CDKAL1: variants seen among roughly 807,000 people sequenced by gnomAD.
The protein encoded by CDKAL1 is CDKAL1 threonylcarbamoyladenosine tRNA methylthiotransferase.
In CDKAL1, 32 loss-of-function variants were observed where a neutral mutation model predicts 68.2. The ratio of observed to expected loss-of-function variants is 0.47; its 90% CI spans 0.35 to 0.63. The LOEUF is 0.63. CDKAL1 is among the 30% of genes least tolerant of loss of function. The pLI, the probability that CDKAL1 is intolerant of heterozygous loss-of-function variation, is 0.00. For synonymous variants in CDKAL1, 234 were observed against 244.3 expected, an observed-to-expected ratio of 0.96 and a Z score of 0.39; for missense variants, 606 against 696.7, an observed-to-expected ratio of 0.87 and a Z score of 1.47.
At chr6:20,666,768 T>C (rs766493213) in intron 5 of CDKAL1, among the ~76,000 whole-genome samples, 2 of 151,358 alleles carry the variant, frequency 1.3e-5, no homozygotes, top group African/African-American at 4.9e-5. Flanking sequence ...CATGAAACCA[T>C]GCTCTGATGA....
intron 12 of CDKAL1, among the ~76,000 whole-genome samples, chr6:21,074,785 T>C (rs1321820223): frequency 6.6e-6 from 1 of 152,104 alleles, no homozygotes; most frequent in African/African-American, 2.4e-5. Context: ...AGTTTTTTGG[T>C]TTTTTCTTTC....
intron 8 of CDKAL1, among the ~76,000 whole-genome samples, chr6:20,796,548 T>A (rs1776116593): frequency 6.6e-6 from 1 of 152,140 alleles, no homozygotes; most frequent in African/African-American, 2.4e-5. Context: ...TGAATAAGAA[T>A]AAGGTTGGAG....
At chr6:21,118,252 G>A (rs1052154061) in intron 13 of CDKAL1, among the ~76,000 whole-genome samples, 1 of 152,112 alleles carries the variant, frequency 6.6e-6, no homozygotes, top group Non-Finnish European at 1.5e-5. Flanking sequence ...AGGAATATAG[G>A]CATCCACTAG....
chr6:20,833,940 G>A lies in CDKAL1; in HGVS notation c.639-12135G>A, dbSNP rs564830882. Among the ~76,000 whole-genome samples the A allele has an allele frequency of 6.6e-5, 10 of 152,244 alleles. No individual in the cohort carries two copies. In the East Asian group the frequency reaches 1.9e-3, roughly 29 times the overall value. ...CCAGAAGCAATAGCATCATTTGAAC[G>A]GCAAATTTTTGGGTGTCAGCACAGA... On this transcript the variant is annotated intron_variant, in intron 8 of 15. Coordinates refer to ENST00000274695, the MANE Select transcript of CDKAL1 (RefSeq NM_017774.3).
At position 20,560,436 on chromosome 6, in the gene CDKAL1, C is replaced by A. The variant is rs113782283; in HGVS notation, c.286+11731C>A. On this transcript the variant is annotated intron_variant, in intron 4 of 15. Transcript: ENST00000274695. ...TTGACACCTTCATTGCTCTGTTGCC[C>A]TGACTGTGCTTGTCCTAGAATCTGG... is the stretch of plus-strand genomic sequence containing the variant. 6.6e-4 allele frequency among the ~76,000 whole-genome samples: 100 copies of A among 152,230 alleles called. 1 individual carries two copies. The highest frequency in any genetic ancestry group is 2.3e-3 in the African/African-American group (94 of 41,558).
chr6:21,206,020 A>G (rs1186288944), intron 15 of CDKAL1, among the ~76,000 whole-genome samples: 2 of 143,970 alleles, frequency 1.4e-5, no homozygotes, highest in Middle Eastern at 3.3e-3. Flanking sequence ...TTTTCTTTGT[A>G]TTTTAGTAGA....
chr6:20,561,985 T>A lies in CDKAL1; in HGVS notation c.286+13280T>A, dbSNP rs181162938. Among the ~76,000 whole-genome samples, 553 of 152,322 alleles carry A rather than the reference T, an allele frequency of 3.6e-3. 9 individuals carry two copies. In the Middle Eastern group the frequency reaches 0.044, roughly 12 times the overall value. Reference sequence around the variant, plus strand: ...CATGGACACTACAAATTATATTGAATCAGAAATCTAATTTAATCCATTCTT... The same window carrying A: ...CATGGACACTACAAATTATATTGAAACAGAAATCTAATTTAATCCATTCTT... On this transcript the variant is annotated intron_variant, in intron 4 of 15. Coordinates refer to ENST00000274695, the MANE Select transcript of CDKAL1 (RefSeq NM_017774.3).
At chr6:20,961,409 G>A (rs1765048685) in intron 10 of CDKAL1, among the ~76,000 whole-genome samples, 1 of 152,184 alleles carries the variant, frequency 6.6e-6, no homozygotes, top group African/African-American at 2.4e-5. Flanking sequence ...TGGACAGATA[G>A]AGGGGAACAA....
chr6:21,161,816 G>C (rs1320863986), intron 13 of CDKAL1, among the ~76,000 whole-genome samples: 1 of 152,068 alleles, frequency 6.6e-6, no homozygotes, highest in African/African-American at 2.4e-5. Context: ...TTGATAATTT[G>C]AGTTTCAGAT....
intron 9 of CDKAL1, among the ~76,000 whole-genome samples, chr6:20,847,228 G>T (rs543893491): frequency 2.0e-5 from 3 of 152,172 alleles, no homozygotes; most frequent in African/African-American, 4.8e-5. Context: ...AGAAATAAAG[G>T]ACATTTACTG....
chr6:20,739,751 T>A (rs1325724076), intron 6 of CDKAL1, 136 bp downstream of exon 6: 2 of 508,806 alleles, frequency 3.9e-6, no homozygotes, highest in South Asian at 6.3e-5. Context: ...ATTTTCCTTA[T>A]TGTCCCTGAA....
intron 11 of CDKAL1, among the ~76,000 whole-genome samples, chr6:21,014,379 G>A (rs1351184549): frequency 6.6e-6 from 1 of 152,112 alleles, no homozygotes; most frequent in Non-Finnish European, 1.5e-5. Context: ...CAAGGCAGGT[G>A]GATCACAAGG....
chr6:20,559,365 C>A (rs1014667711), intron 4 of CDKAL1: 1 of 152,024 alleles, frequency 6.6e-6, no homozygotes, highest in African/African-American at 2.4e-5. Context: ...TTTTTCTTAC[C>A]CTGGTATTAT....
At chr6:20,994,297 G>A (rs1469178591) in intron 10 of CDKAL1, among the ~76,000 whole-genome samples, 4 of 152,112 alleles carry the variant, frequency 2.6e-5, no homozygotes. Context: ...TGGCCGATAT[G>A]GTGAAACCCA....
chr6:21,113,145 C>T (rs1053120260), intron 13 of CDKAL1, among the ~76,000 whole-genome samples: 7 of 152,156 alleles, frequency 4.6e-5, no homozygotes, highest in African/African-American at 1.7e-4. Context: ...GACCCAAATA[C>T]CCAGATATCC....
chr6:20,851,317 G>T (rs1013061758), intron 9 of CDKAL1, among the ~76,000 whole-genome samples: 2 of 152,148 alleles, frequency 1.3e-5, no homozygotes, highest in Non-Finnish European at 2.9e-5. Context: ...CCAGGACTTT[G>T]TTGGGGCCAG....
At chr6:20,861,886 A>G (rs1759651030) in intron 9 of CDKAL1, among the ~76,000 whole-genome samples, 1 of 152,196 alleles carries the variant, frequency 6.6e-6, no homozygotes, top group Non-Finnish European at 1.5e-5. Context: ...CAGACATGTG[A>G]ATGGAGAAGT....
chr6:20,988,862 G>A (rs1051637031), intron 10 of CDKAL1, among the ~76,000 whole-genome samples: 4 of 146,642 alleles, frequency 2.7e-5, no homozygotes, highest in African/African-American at 7.5e-5. Flanking sequence ...GTTTCACCAC[G>A]TTGGCCAGGA....
chr6:21,079,126 A>G (rs11967298), intron 12 of CDKAL1, among the ~76,000 whole-genome samples: 42,519 of 152,040 alleles, frequency 0.28, 6,361 homozygotes, highest in Middle Eastern at 0.36. Flanking sequence ...TGAGAATAAA[A>G]TTCATTCCCA....
Sources: gnomAD v4.1 joint callset for allele counts (sites outside exome capture counted in the v4.1 genomes callset) on GRCh38, gnomAD v4.1.1 for gene constraint, MANE v1.5 for transcripts, NCBI Gene and HGNC (gene_info 2026-07-23, HGNC 2026-07-21) for gene names.